Variants in CTNNA3 observed in about 807,000 individuals in gnomAD.
The protein encoded by CTNNA3 is catenin alpha 3, also known as catenin alpha-3.
CTNNA3 carries 76 observed loss-of-function variants against 95.7 expected under a neutral mutation model. The observed-to-expected ratio is 0.79, with a 90% CI of 0.66 to 0.96. CTNNA3 has a LOEUF of 0.96. CTNNA3 is among the 40% of genes least tolerant of loss of function. The pLI, the probability that CTNNA3 is intolerant of heterozygous loss-of-function variation, is 0.00. For synonymous variants in CTNNA3, 431 were observed against 374.4 expected, an observed-to-expected ratio of 1.15 and a Z score of -1.74; for missense variants, 1,191 against 1,089.8, an observed-to-expected ratio of 1.09 and a Z score of -1.31.
intron 14 of CTNNA3, among the ~76,000 whole-genome samples, chr10:66,093,953 G>C (rs755541080): frequency 1.3e-5 from 2 of 152,046 alleles, no homozygotes; most frequent in Admixed American, 1.3e-4. Flanking sequence ...AGTGCTAAAA[G>C]AAGACAACAT....
rs115217352 is a variant in CTNNA3 at position 66,933,038 on chromosome 10, T to C, written c.1048-157514A>G. ...GTGTACTATTGACTGCTCATGGTAA[T>C]TGGGAGGACGAAATGTGAAAAGTAC... On this transcript the variant is annotated intron_variant, in intron 7 of 17. Transcript: ENST00000433211. Among the ~76,000 whole-genome samples the C allele has an allele frequency of 4.0e-3, 607 of 152,294 alleles. 4 individuals are homozygous for C. Among genetic ancestry groups the C allele is most frequent in the African/African-American group, 0.014 (579 of 41,570 alleles).
At chr10:66,507,376 A>G (rs1427043888) in intron 11 of CTNNA3, among the ~76,000 whole-genome samples, 2 of 152,132 alleles carry the variant, frequency 1.3e-5, no homozygotes, top group African/African-American at 4.8e-5. Flanking sequence ...CCTCTCTTCT[A>G]GCTTTTTGAA....
rs774747001 is a variant in CTNNA3, at chr10:66,766,437, C to CA, written c.1129-22dup. 1.9e-6 allele frequency: 3 copies of CA among 1,580,664 alleles called. No homozygotes were observed. In the African/African-American group the frequency reaches 4.1e-5, roughly 21 times the overall value. ...CGGAGCTGAGAAGAAATGAAAAATT[C>CA]AGGTTTTTTTTTTCCAGGAAATAGT... On this transcript the variant is annotated intron_variant, in intron 8 of 17. Transcript: ENST00000433211.
At chr10:65,946,094 T>C (rs1239739418) in intron 17 of CTNNA3, among the ~76,000 whole-genome samples, 1 of 152,194 alleles carries the variant, frequency 6.6e-6, no homozygotes, top group Non-Finnish European at 1.5e-5. Flanking sequence ...TTTGTGACCT[T>C]GGATAGTTGT....
intron 5 of CTNNA3, among the ~76,000 whole-genome samples, chr10:67,402,489 A>G (rs1477043530): frequency 6.6e-6 from 1 of 152,182 alleles, no homozygotes; most frequent in Non-Finnish European, 1.5e-5. Flanking sequence ...GAGGAAGAAA[A>G]GCAGTGAGTA....
In CTNNA3 at chr10:66,331,338, G is replaced by GCTTGCTTTTTTTTTTTTTTTTTTTTT. The variant is rs1417713676; in HGVS notation, c.1732+47813_1732+47814insAAAAAAAAAAAAAAAAAAAAAGCAAG. Among the ~76,000 whole-genome samples, 10 of 39,114 alleles carry GCTTGCTTTTTTTTTTTTTTTTTTTTT rather than the reference G, an allele frequency of 2.6e-4. 3 individuals are homozygous for GCTTGCTTTTTTTTTTTTTTTTTTTTT. Among genetic ancestry groups the GCTTGCTTTTTTTTTTTTTTTTTTTTT allele is most frequent in the African/African-American group, 7.2e-4 (10 of 13,982 alleles). 25.7% of individuals were successfully genotyped at this position (39,114 alleles called of 152,430 possible). ...TTAAATATGGACTCCTTTCCCCATTGTTTGTTTTTTTTTTTTTTTTTTTTT... is the reference window on the plus strand; with the variant it reads ...TTAAATATGGACTCCTTTCCCCATTGCTTGCTTTTTTTTTTTTTTTTTTTTTTTTGTTTTTTTTTTTTTTTTTTTTT... On this transcript the variant is annotated intron_variant, in intron 12 of 17. Coordinates refer to ENST00000433211, the MANE Select transcript of CTNNA3 (RefSeq NM_013266.4).
intron 1 of CTNNA3, among the ~76,000 whole-genome samples, chr10:67,706,412 A>G (rs1841078968): frequency 6.6e-6 from 1 of 152,148 alleles, no homozygotes; most frequent in Non-Finnish European, 1.5e-5. Context: ...AAAGAAAAAA[A>G]AATCTCTTAG....
intron 13 of CTNNA3, among the ~76,000 whole-genome samples, chr10:66,252,997 G>A (rs2132075393): frequency 6.6e-6 from 1 of 152,144 alleles, no homozygotes; most frequent in East Asian, 1.9e-4. Context: ...GGTAAGGGAG[G>A]GTAGTTAGTG....
At chr10:65,980,693 C>G (rs1230207680) in intron 16 of CTNNA3, among the ~76,000 whole-genome samples, 1 of 151,816 alleles carries the variant, frequency 6.6e-6, no homozygotes, top group African/African-American at 2.4e-5. Context: ...TATTCAACAT[C>G]TGCAAGTCAA....
chr10:66,860,391 G>C (rs1268783089), intron 7 of CTNNA3, among the ~76,000 whole-genome samples: 1 of 152,072 alleles, frequency 6.6e-6, no homozygotes, highest in Admixed American at 6.5e-5. Flanking sequence ...TTTCCAACAT[G>C]GAGGCCTGGA....
At chr10:66,730,699 C>G (rs1486999264) in intron 9 of CTNNA3, among the ~76,000 whole-genome samples, 2 of 152,162 alleles carry the variant, frequency 1.3e-5, no homozygotes, top group African/African-American at 4.8e-5. Context: ...TCTTTTATAT[C>G]ACATGGTGAA....
intron 13 of CTNNA3, among the ~76,000 whole-genome samples, chr10:66,174,991 A>T (rs1330423445): frequency 6.6e-6 from 1 of 152,178 alleles, no homozygotes; most frequent in Non-Finnish European, 1.5e-5. Context: ...AAATATATGT[A>T]AATGATAATC....
intron 3 of CTNNA3, among the ~76,000 whole-genome samples, chr10:67,548,050 G>C (rs1840900167): frequency 6.6e-6 from 1 of 152,144 alleles, no homozygotes; most frequent in Non-Finnish European, 1.5e-5. Flanking sequence ...CCCAGTGTTG[G>C]AGGTGGGACC....
chr10:66,813,048 A>C (rs183243762), intron 7 of CTNNA3, among the ~76,000 whole-genome samples: 65 of 152,250 alleles, frequency 4.3e-4, no homozygotes, highest in Admixed American at 4.3e-3. Flanking sequence ...GTAGCTGCTC[A>C]CCCAAAGAAC....
Position 67,492,692 on chromosome 10 carries a change from A to T in CTNNA3, c.579+29150T>A, listed in dbSNP as rs542335681. On this transcript the variant is annotated intron_variant, in intron 5 of 17. Transcript: ENST00000433211. The stretch of plus-strand genomic sequence containing the variant: ...TACTTAAGCTGAACCCTGAATGATA[A>T]GAAGGAATTGTCCTGTGAGCTCTAG... 2.0e-5 allele frequency among the ~76,000 whole-genome samples: 3 copies of T among 152,366 alleles called. No individual in the cohort carries two copies. In the South Asian group the frequency reaches 6.2e-4, roughly 32 times the overall value.
chr10:67,325,656 T>C (rs1300420914), intron 5 of CTNNA3, among the ~76,000 whole-genome samples: 1 of 152,194 alleles, frequency 6.6e-6, no homozygotes, highest in South Asian at 2.1e-4. Flanking sequence ...TCTGATTATG[T>C]GATCAATTTT....
At chr10:67,629,747 T>C (rs145417485) in intron 2 of CTNNA3, among the ~76,000 whole-genome samples, 2 of 152,240 alleles carry the variant, frequency 1.3e-5, no homozygotes, top group East Asian at 3.9e-4. Context: ...ATTCTGAGAA[T>C]AGAATGTAGT....
At chr10:66,704,251 C>A (rs1291275134) in intron 9 of CTNNA3, among the ~76,000 whole-genome samples, 1 of 152,132 alleles carries the variant, frequency 6.6e-6, no homozygotes, top group Non-Finnish European at 1.5e-5. Context: ...CAACACTATA[C>A]TCTTCCATAG....
chr10:67,131,569 A>G (rs1392134103), intron 7 of CTNNA3, among the ~76,000 whole-genome samples: 2 of 152,104 alleles, frequency 1.3e-5, no homozygotes, highest in Non-Finnish European at 2.9e-5. Context: ...GTGATGCTAT[A>G]TAAAATTACT....
Sources: allele counts gnomAD v4.1 joint callset (sites outside exome capture counted in the v4.1 genomes callset), GRCh38; gene constraint gnomAD v4.1.1; transcripts MANE v1.5; gene names NCBI Gene and HGNC (gene_info 2026-07-23, HGNC 2026-07-21).